Variants in SGCZ observed in about 807,000 individuals in gnomAD.
The protein encoded by SGCZ is zeta-sarcoglycan.
In SGCZ, 40 loss-of-function variants were observed where a neutral mutation model predicts 41.3. The observed-to-expected ratio is 0.97, with a 90% CI of 0.75 to 1.26. The LOEUF (loss-of-function observed/expected upper bound fraction) is 1.26. Ranked by LOEUF, SGCZ falls within the 50% of genes most tolerant of loss-of-function variation. The probability of loss-of-function intolerance (pLI) is 0.00; values close to 1 mark genes in which losing one functional copy is unlikely to be tolerated. For synonymous variants in SGCZ, 206 were observed against 137.5 expected (o/e 1.50, Z -3.49); for missense variants, 552 against 369.8 (o/e 1.49, Z -4.04).
At chr8:15,094,048 T>C (rs1035880898) in intron 1 of SGCZ, among the ~76,000 whole-genome samples, 7 of 152,178 alleles carry the variant, frequency 4.6e-5, no homozygotes, top group Admixed American at 4.6e-4. Flanking sequence ...AATTGAATGA[T>C]ACATCTAAAT....
intron 3 of SGCZ, among the ~76,000 whole-genome samples, chr8:14,318,149 T>C (rs10089852): frequency 0.011 from 1,736 of 151,270 alleles, 32 homozygotes; most frequent in African/African-American, 0.039. Context: ...TTGGGGACTA[T>C]TGGTTTTTCA....
At chr8:14,131,404 G>C (rs564275565) in intron 5 of SGCZ, among the ~76,000 whole-genome samples, 1 of 152,264 alleles carries the variant, frequency 6.6e-6, no homozygotes, top group South Asian at 2.1e-4. Flanking sequence ...TGGTTGACAA[G>C]TTGTTGTTGT....
intron 3 of SGCZ, among the ~76,000 whole-genome samples, chr8:14,241,539 TATC>T (rs1798891077): frequency 1.1e-5 from 1 of 91,556 alleles, no homozygotes. Context: ...CTAACATAAA[TATC>T]TTTTTTTTTT....
intron 1 of SGCZ, among the ~76,000 whole-genome samples, chr8:14,640,678 A>T (rs2410201): frequency 0.36 from 54,037 of 150,778 alleles, 9,870 homozygotes; most frequent in East Asian, 0.63. Flanking sequence ...GTGTGTATAT[A>T]TTTGCTTTGT....
At chr8:14,993,206 AC>A (rs1347863766) in intron 1 of SGCZ, among the ~76,000 whole-genome samples, 1 of 152,146 alleles carries the variant, frequency 6.6e-6, no homozygotes, top group East Asian at 1.9e-4. Flanking sequence ...ACGAAGAGTA[AC>A]CTTTGCCCAT....
intron 4 of SGCZ, among the ~76,000 whole-genome samples, chr8:14,222,324 C>A (rs965039147): frequency 2.0e-5 from 3 of 151,944 alleles, no homozygotes; most frequent in African/African-American, 7.2e-5. Flanking sequence ...CACCCACCAC[C>A]ATACCCAACT....
chr8:14,905,458 A>G (rs1019526491), intron 1 of SGCZ, among the ~76,000 whole-genome samples: 1 of 152,044 alleles, frequency 6.6e-6, no homozygotes, highest in Non-Finnish European at 1.5e-5. Context: ...GACTAAGGAC[A>G]CTCATTTACT....
chr8:14,365,760 T>G (rs1803683334), intron 2 of SGCZ, among the ~76,000 whole-genome samples: 1 of 152,138 alleles, frequency 6.6e-6, no homozygotes, highest in Admixed American at 6.6e-5. Context: ...GTCCATTTTG[T>G]TTTTCCAAAA....
chr8:14,132,886 G>A (rs1379741840), intron 5 of SGCZ, among the ~76,000 whole-genome samples: 1 of 152,102 alleles, frequency 6.6e-6, no homozygotes, highest in East Asian at 1.9e-4. Flanking sequence ...TTTGCTTAGT[G>A]ACTTTTGTTA....
In SGCZ at chr8:14,877,027, AC is replaced by A. The variant is rs1804386925; in HGVS notation, c.40-322102del. 2.0e-5 allele frequency among the ~76,000 whole-genome samples: 3 copies of A among 152,242 alleles called. No individual in the cohort carries two copies. In the East Asian group the frequency reaches 5.8e-4, roughly 29 times the overall value. On this transcript the variant is annotated intron_variant, in intron 1 of 7. Transcript: ENST00000382080. ...TCTCACCCTGTCACCAGGCTGGAGC[AC>A]AGTGGTGCTATCTTGGCTCATTGCA...
chr8:14,580,488 A>C (rs1804851451), intron 1 of SGCZ, among the ~76,000 whole-genome samples: 1 of 152,198 alleles, frequency 6.6e-6, no homozygotes, highest in African/African-American at 2.4e-5. Context: ...CTGAAGAAAA[A>C]TTCTAAGGGA....
chr8:14,178,315 G>T (rs1438570308), intron 4 of SGCZ, among the ~76,000 whole-genome samples: 4 of 152,100 alleles, frequency 2.6e-5, no homozygotes, highest in Admixed American at 2.6e-4. Context: ...GAAACCATTT[G>T]AAGCTAAAGG....
At chr8:14,639,686 A>C (rs1361765827) in intron 1 of SGCZ, among the ~76,000 whole-genome samples, 2 of 151,794 alleles carry the variant, frequency 1.3e-5, no homozygotes, top group Non-Finnish European at 1.5e-5. Context: ...GCAATCATGA[A>C]TACTAGTCTT....
intron 1 of SGCZ, among the ~76,000 whole-genome samples, chr8:14,849,789 T>G (rs1236031105): frequency 1.3e-5 from 2 of 152,180 alleles, no homozygotes; most frequent in East Asian, 3.9e-4. Flanking sequence ...TATGGAAAAC[T>G]GTGCTTCAAT....
At chr8:14,984,274 G>A (rs776392446) in intron 1 of SGCZ, among the ~76,000 whole-genome samples, 3 of 152,140 alleles carry the variant, frequency 2.0e-5, no homozygotes, top group Non-Finnish European at 4.4e-5. Context: ...GTATGAAATA[G>A]TGGCAATATG....
At chr8:15,161,388 A>T (rs1170477048) in intron 1 of SGCZ, among the ~76,000 whole-genome samples, 1 of 151,956 alleles carries the variant, frequency 6.6e-6, no homozygotes, top group Non-Finnish European at 1.5e-5. Flanking sequence ...TCTCCACAGC[A>T]CTTACCCCAC....
At chr8:14,214,237 CA>C (rs1805915160) in intron 4 of SGCZ, among the ~76,000 whole-genome samples, 2 of 152,046 alleles carry the variant, frequency 1.3e-5, no homozygotes, top group African/African-American at 4.8e-5. Flanking sequence ...GGGCAGTCTA[CA>C]AAACACAAAC....
chr8:14,745,372 G>T (rs1799312917), intron 1 of SGCZ, among the ~76,000 whole-genome samples: 1 of 152,130 alleles, frequency 6.6e-6, no homozygotes, highest in African/African-American at 2.4e-5. Context: ...AATACATATT[G>T]ATCTGTTGCC....
chr8:14,619,368 G>A (rs2117364371), intron 1 of SGCZ, among the ~76,000 whole-genome samples: 1 of 152,252 alleles, frequency 6.6e-6, no homozygotes, highest in East Asian at 1.9e-4. Context: ...CATTCCCTTT[G>A]AAAACTGGCA....
Sources: allele counts gnomAD v4.1 joint callset (sites outside exome capture counted in the v4.1 genomes callset), GRCh38; gene constraint gnomAD v4.1.1; transcripts MANE v1.5; gene names NCBI Gene and HGNC (gene_info 2026-07-23, HGNC 2026-07-21).